GEMIN5: variants seen among roughly 807,000 people sequenced by gnomAD.
GEMIN5 encodes the protein gem-associated protein 5.
In GEMIN5, 124 loss-of-function variants were observed where a neutral mutation model predicts 176.9. The ratio of observed to expected loss-of-function variants is 0.70; its 90% CI spans 0.61 to 0.81. The LOEUF (loss-of-function observed/expected upper bound fraction) is 0.81, where lower values mean the gene tolerates loss of function less well. Among genes scored for constraint, GEMIN5 ranks in the 40% least tolerant of loss-of-function variants. GEMIN5 has a pLI of 0.00. For synonymous variants in GEMIN5, 673 were observed against 665.2 expected, an observed-to-expected ratio of 1.01 and a Z score of -0.18; for missense variants, 1,843 against 1,814.6, an observed-to-expected ratio of 1.02 and a Z score of -0.28.
chr5:154,889,206 G>A, intron 27 of GEMIN5, 115 bp downstream of exon 27: 1 of 615,310 alleles, frequency 1.6e-6, no homozygotes, highest in Non-Finnish European at 3.1e-6. Context: ...ACATATGAAT[G>A]GGTAGAGATT....
intron 13 of GEMIN5, among the ~76,000 whole-genome samples, chr5:154,916,087 T>C (rs1037280960): frequency 1.3e-5 from 2 of 152,116 alleles, no homozygotes; most frequent in African/African-American, 4.8e-5. Context: ...GGGGTCTCCC[T>C]ACATTGCCCA....
chr5:154,914,307 C>T (rs149056180), intron 13 of GEMIN5, among the ~76,000 whole-genome samples: 2 of 152,278 alleles, frequency 1.3e-5, no homozygotes, highest in African/African-American at 4.8e-5. Flanking sequence ...AGGCGTGAGC[C>T]ACCACGCCCG....
intron 16 of GEMIN5, among the ~76,000 whole-genome samples, chr5:154,907,273 A>T (rs1763586546): frequency 6.6e-6 from 1 of 152,314 alleles, no homozygotes; most frequent in East Asian, 1.9e-4. Context: ...CATACTGTTA[A>T]AACTTTTCCC....
rs1360409299 is a variant in GEMIN5 at position 154,931,508 on chromosome 5, G to A, written c.731C>T (p.Thr244Ile). 2 of 1,613,088 alleles carry A rather than the reference G, an allele frequency of 1.2e-6. No homozygotes were observed. The highest frequency in any genetic ancestry group is 2.2e-5 in the East Asian group (1 of 44,864). Residue 244 changes from threonine to isoleucine, a missense_variant, in exon 5 of 28, where the codon ACT becomes ATT. Coordinates refer to ENST00000285873, the MANE Select transcript of GEMIN5 (RefSeq NM_015465.5). Reference protein sequence around the residue: ...APVTKGCYLATGSKDQTIRIW... With the variant: ...APVTKGCYLAIGSKDQTIRIW... ...TCGAATGGTTTGATCTTTGCTTCCA[G>A]TGGCTAAGTAGCAACCTTTTGTTAC...
At position 154,905,378 on chromosome 5, in the gene GEMIN5, G is replaced by A. The variant is rs200669769; in HGVS notation, c.2494C>T (p.Pro832Ser). 2.8e-5 allele frequency: 45 copies of A among 1,588,008 alleles called. No individual in the cohort carries two copies. Among genetic ancestry groups the A allele is most frequent in the Non-Finnish European group, 2.2e-5 (25 of 1,161,438 alleles). The change falls in exon 17 of 28, where the codon CCA (proline) becomes TCA (serine). Residue 832 changes from proline to serine, a missense_variant. By Grantham distance (74) the Pro-to-Ser change is moderately conservative. Coordinates refer to ENST00000285873, the MANE Select transcript of GEMIN5 (RefSeq NM_015465.5). ...NKVILLKKEP[P>S]KEKPETLIKK... is the part of the protein sequence containing the mutation. ...AGATACCAACCTGGCTTCTCTTTTG[G>A]TGGCTCCTTTTTCAGTAAAATGACT... is the stretch of plus-strand genomic sequence containing the variant.
At chr5:154,927,233 G>A (rs1764059459) in intron 7 of GEMIN5, 152 bp downstream of exon 7, 1 of 511,046 alleles carries the variant, frequency 2.0e-6, no homozygotes, top group African/African-American at 1.9e-5. Context: ...GTGAGCTATT[G>A]ATATATTCAG....
rs1018988512 is a variant in GEMIN5, at chr5:154,932,259, CAA to C, written c.510-11_510-10del. 1 of 1,593,604 alleles carries C rather than the reference CAA, an allele frequency of 6.3e-7. No homozygotes were observed. Among genetic ancestry groups the C allele is most frequent in the Non-Finnish European group, 8.6e-7 (1 of 1,165,484 alleles). On this transcript the variant is annotated splice_polypyrimidine_tract_variant and intron_variant, in intron 3 of 27. Transcript: ENST00000285873. ...CTATGCCATCCTTGTAGCTAAAAAA[CAA>C]GAGTTAGAAATATTACTAAAAAAAT...
chr5:154,925,939 C>A lies in GEMIN5; in HGVS notation c.1216G>T (p.Val406Leu). Reference sequence around the variant, plus strand: ...TTCTTTATGGAGAGTGTATTCCATACACGGATCATGCCATCCCCAACACCT... The same window carrying A: ...TTCTTTATGGAGAGTGTATTCCATAAACGGATCATGCCATCCCCAACACCT... The part of the protein sequence containing the change: ...AIGVGDGMIR[V>L]WNTLSIKNNY... Residue 406 changes from valine to leucine, a missense_variant, in exon 8 of 28, where the codon GTA (valine) becomes TTA (leucine). By Grantham distance (32) the Val-to-Leu change is conservative (BLOSUM62 1). Coordinates refer to ENST00000285873, the MANE Select transcript of GEMIN5 (RefSeq NM_015465.5). 6.2e-7 allele frequency: 1 copy of A among 1,613,644 alleles called. No homozygotes were observed.
In GEMIN5 at chr5:154,920,008, A is replaced by C. The variant is rs201151742; in HGVS notation, c.1558T>G (p.Phe520Val). The change falls in exon 11 of 28, where the codon TTT (phenylalanine) becomes GTT (valine). Residue 520 changes from phenylalanine (F) to valine (V), a missense_variant. Physicochemically the swap from Phe to Val is conservative, Grantham distance 50. Coordinates refer to ENST00000285873, the MANE Select transcript of GEMIN5 (RefSeq NM_015465.5). ...HNPWKLSGEA[F>V]DINKLIRDTN... is the part of the protein sequence containing the mutation. Reference sequence around the variant, plus strand: ...TCCCTGATGAGTTTGTTGATGTCAAAGGCTTCTCCACTAAGCTTCCAGGGA... The same window carrying C: ...TCCCTGATGAGTTTGTTGATGTCAACGGCTTCTCCACTAAGCTTCCAGGGA... The C allele has an allele frequency of 1.9e-6, 3 of 1,613,658 alleles. No homozygotes were observed. The African/African-American group carries it at 4.0e-5, about 22-fold the overall frequency.
chr5:154,900,388 A>C (rs1763438612), intron 21 of GEMIN5, among the ~76,000 whole-genome samples: 1 of 152,214 alleles, frequency 6.6e-6, no homozygotes, highest in Non-Finnish European at 1.5e-5. Context: ...ACTTCCAGCC[A>C]TGATGGAGTA....
chr5:154,920,591 G>A (rs1763903229), intron 10 of GEMIN5, among the ~76,000 whole-genome samples: 1 of 152,152 alleles, frequency 6.6e-6, no homozygotes, highest in Admixed American at 6.5e-5. Context: ...ATTCTGGTGG[G>A]TTTCTATAAG....
At position 154,901,430 on chromosome 5, in the gene GEMIN5, GA is replaced by G; in HGVS notation, c.2922del (p.Gln975ArgfsTer48). ...GAAGCAGCCTTGACATACTGATCCT[GA>G]AAACACAGCTGTTTGGCAAAAGCTT... ...AVEAFAKQLC[F>X]QDQYVKAASH... On this transcript the variant is annotated frameshift_variant, in exon 21 of 28. Coordinates refer to ENST00000285873, the MANE Select transcript of GEMIN5 (RefSeq NM_015465.5). LOFTEE classifies it high-confidence loss of function. 6.2e-7 allele frequency: 1 copy of G among 1,613,884 alleles called. No homozygotes were observed. The highest frequency in any genetic ancestry group is 8.5e-7 in the Non-Finnish European group (1 of 1,179,816).
intron 26 of GEMIN5, among the ~76,000 whole-genome samples, chr5:154,890,511 C>G (rs1312220121): frequency 6.8e-6 from 1 of 147,718 alleles, no homozygotes; most frequent in East Asian, 2.0e-4. Context: ...GTCAACCAGG[C>G]TGGTATGAGT....
At chr5:154,925,713 A>C (rs1764015299) in intron 8 of GEMIN5, 149 bp downstream of exon 8, 1 of 592,822 alleles carries the variant, frequency 1.7e-6, no homozygotes, top group African/African-American at 1.9e-5. Context: ...GTTTGGTTAC[A>C]GGATCATTCT....
At chr5:154,934,073 T>C (rs781117029) in intron 3 of GEMIN5, among the ~76,000 whole-genome samples, 2 of 152,184 alleles carry the variant, frequency 1.3e-5, no homozygotes, top group Non-Finnish European at 2.9e-5. Flanking sequence ...TGGAGTGCAG[T>C]GGTGCAATCT....
At chr5:154,922,016 T>C (rs1185440811) in intron 9 of GEMIN5, among the ~76,000 whole-genome samples, 9 of 152,250 alleles carry the variant, frequency 5.9e-5, no homozygotes, top group Admixed American at 2.0e-4. Flanking sequence ...CTTTGTATGA[T>C]TGTAGAATTC....
At chr5:154,895,577 T>C (rs1379267143) in intron 24 of GEMIN5, among the ~76,000 whole-genome samples, 1 of 152,194 alleles carries the variant, frequency 6.6e-6, no homozygotes, top group African/African-American at 2.4e-5. Flanking sequence ...TGTTTTTATT[T>C]TATAAAGTCC....
intron 16 of GEMIN5, among the ~76,000 whole-genome samples, chr5:154,906,223 T>A (rs1763565681): frequency 6.6e-6 from 1 of 152,104 alleles, no homozygotes; most frequent in Admixed American, 6.5e-5. Context: ...CTCAAGCTCC[T>A]GGGTTGAAGC....
intron 16 of GEMIN5, among the ~76,000 whole-genome samples, chr5:154,905,730 ACT>A (rs558356636): frequency 2.7e-3 from 386 of 141,936 alleles, no homozygotes; most frequent in Non-Finnish European, 2.5e-3. Context: ...ACGAAGTCTC[ACT>A]CTGTCGCCCA....
Sources: gnomAD v4.1 joint callset for allele counts (sites outside exome capture counted in the v4.1 genomes callset) on GRCh38, gnomAD v4.1.1 for gene constraint, MANE v1.5 for transcripts, NCBI Gene and HGNC (gene_info 2026-07-23, HGNC 2026-07-21) for gene names.